The following XAF1 variants were observed in gnomAD, a reference collection of about 807,000 sequenced individuals.
The protein encoded by XAF1 is XIAP-associated factor 1.
A neutral mutation model predicts 32.3 loss-of-function variants in XAF1; 32 were observed. That is an observed-to-expected ratio of 0.99 (90% confidence interval 0.75 to 1.33). The LOEUF (loss-of-function observed/expected upper bound fraction) is 1.33. Among genes scored for constraint, XAF1 ranks in the 40% most tolerant of loss-of-function variants. The pLI, the probability that XAF1 is intolerant of heterozygous loss-of-function variation, is 0.00. For missense variants in XAF1, 379 were observed against 366.0 expected, an observed-to-expected ratio of 1.04 and a Z score of -0.29; for synonymous variants, 120 against 125.9, an observed-to-expected ratio of 0.95 and a Z score of 0.31.
chr17:6,775,322 G>A lies in XAF1; in HGVS notation c.*2153G>A, dbSNP rs866990808. On this transcript the variant is annotated 3_prime_UTR_variant, in exon 7 of 7. Transcript: ENST00000361842. ...GTGAGGATCAAAAAACTACCTATCT[G>A]GTACTATGCTTTTTATCTGGATGAT... 1 of 152,004 alleles carries A rather than the reference G, an allele frequency of 6.6e-6. No homozygotes were observed. The highest frequency in any genetic ancestry group is 2.4e-5 in the African/African-American group (1 of 41,360). The allele number at this position is 152,004 out of a possible 1,614,324, so 9.4% of individuals were successfully genotyped here. A position where few individuals can be genotyped will look rare whatever the true frequency, so the allele number is the denominator to read the frequency against.
chr17:6,755,591 G>A, upstream of XAF1: 1 of 1,007,308 alleles, frequency 9.9e-7, no homozygotes, highest in Non-Finnish European at 1.2e-6. Context: ...CTGTTTGCAA[G>A]GTCCTCACCG....
intron 5 of XAF1, among the ~76,000 whole-genome samples, chr17:6,768,735 G>C (rs945827578): frequency 4.6e-5 from 7 of 151,958 alleles, no homozygotes; most frequent in Admixed American, 1.3e-4. Flanking sequence ...CCATTCCTTT[G>C]TACGTAATCT....
At chr17:6,757,831 A>AT (rs1253958492) in intron 1 of XAF1, among the ~76,000 whole-genome samples, 1 of 151,844 alleles carries the variant, frequency 6.6e-6, no homozygotes, top group Non-Finnish European at 1.5e-5. Flanking sequence ...CCCCTTTGTA[A>AT]TTCCTCCCTC....
chr17:6,762,322 G>A (rs949884312), intron 5 of XAF1, 82 bp downstream of exon 5: 6 of 1,244,606 alleles, frequency 4.8e-6, no homozygotes, highest in Non-Finnish European at 6.6e-6. Context: ...GCAGATTCTG[G>A]GCCCAATTTT....
chr17:6,773,036 G>A (rs1976171748), intron 6 of XAF1, 77 bp from the exon 7 acceptor site: 1 of 1,262,890 alleles, frequency 7.9e-7, no homozygotes, highest in Non-Finnish European at 1.1e-6. Flanking sequence ...ACAAGGGACA[G>A]CAATATCCAG....
intron 5 of XAF1, among the ~76,000 whole-genome samples, chr17:6,770,136 C>T (rs537754104): frequency 2.0e-5 from 3 of 152,240 alleles, no homozygotes; most frequent in African/African-American, 7.2e-5. Context: ...TAACAGGATG[C>T]CACAGACAGA....
At chr17:6,762,132 G>A in intron 4 of XAF1, 23 bp from the exon 5 acceptor site, 1 of 1,612,272 alleles carries the variant, frequency 6.2e-7, no homozygotes, top group Non-Finnish European at 8.5e-7. Context: ...ATCATTTGTG[G>A]TGTTGTTTCT....
intron 5 of XAF1, among the ~76,000 whole-genome samples, chr17:6,763,494 A>G (rs1170527472): frequency 2.6e-5 from 4 of 151,764 alleles, no homozygotes; most frequent in Non-Finnish European, 1.5e-5. Flanking sequence ...CGCCCGGCTA[A>G]TTTTTGTATT....
At chr17:6,756,840 C>T (rs77169958) in intron 1 of XAF1, among the ~76,000 whole-genome samples, 2,847 of 152,292 alleles carry the variant, frequency 0.019, 78 homozygotes, top group African/African-American at 0.065. Context: ...GACAGTCCCT[C>T]TCGGAGCACG....
At position 6,773,685 on chromosome 17, in the gene XAF1, T is replaced by A. The variant is rs1487226676; in HGVS notation, c.*516T>A. 1 of 152,192 alleles carries A rather than the reference T, an allele frequency of 6.6e-6. No individual in the cohort carries two copies. Among genetic ancestry groups the A allele is most frequent in the Non-Finnish European group, 1.5e-5 (1 of 68,044 alleles). The allele number at this position is 152,192 out of a possible 1,614,324, so 9.4% of individuals were successfully genotyped here. On this transcript the variant is annotated 3_prime_UTR_variant, in exon 7 of 7. Coordinates refer to ENST00000361842, the MANE Select transcript of XAF1 (RefSeq NM_017523.5). ...TTGGCCCAAAAGCTCCTAGATCTGA[T>A]AAACAACTTCAGCTAACTTTCAGGA... is the stretch of plus-strand genomic sequence containing the variant.
intron 5 of XAF1, among the ~76,000 whole-genome samples, chr17:6,763,063 T>C (rs1271652780): frequency 4.6e-5 from 7 of 152,238 alleles, no homozygotes; most frequent in Non-Finnish European, 8.8e-5. Context: ...TGCAATCTGG[T>C]TCTAGAATAT....
chr17:6,765,138 G>T (rs1341616367), intron 5 of XAF1, among the ~76,000 whole-genome samples: 1 of 152,186 alleles, frequency 6.6e-6, no homozygotes, highest in Non-Finnish European at 1.5e-5. Context: ...GTAAGGCCGG[G>T]TATGGTGGCT....
intron 4 of XAF1, 86 bp from the exon 5 acceptor site, chr17:6,762,067 AGC>A (rs1172337464): frequency 6.2e-7 from 1 of 1,600,770 alleles, no homozygotes. Flanking sequence ...CGTGCTCATG[AGC>A]ACAGGCCATG....
chr17:6,766,833 T>C (rs932611567), intron 5 of XAF1, among the ~76,000 whole-genome samples: 1 of 152,234 alleles, frequency 6.6e-6, no homozygotes, highest in African/African-American at 2.4e-5. Flanking sequence ...CCATTTCATT[T>C]TGGGAGCATG....
rs1399598506 is a variant in XAF1, at chr17:6,773,605, C to T, written c.*436C>T. 1.3e-5 allele frequency: 2 copies of T among 153,392 alleles called. No homozygotes were observed. Among genetic ancestry groups the T allele is most frequent in the Non-Finnish European group, 1.4e-5 (1 of 68,994 alleles). The allele number at this position is 153,392 out of a possible 1,614,324, so 9.5% of individuals were successfully genotyped here. On this transcript the variant is annotated 3_prime_UTR_variant, in exon 7 of 7. Coordinates refer to ENST00000361842, the MANE Select transcript of XAF1 (RefSeq NM_017523.5). ...AAAGGCAACCAAAAAGAAAGGAAGTCGAAGTATCTCTGTTTGCAGACGATA... is the reference window on the plus strand; with the variant it reads ...AAAGGCAACCAAAAAGAAAGGAAGTTGAAGTATCTCTGTTTGCAGACGATA...
chr17:6,760,347 CAAAAAA>C (rs71383422), intron 3 of XAF1, 53 bp from the exon 4 acceptor site: 197 of 1,046,432 alleles, frequency 1.9e-4, no homozygotes, highest in Non-Finnish European at 2.1e-4. Flanking sequence ...GACTCTGTCT[CAAAAAA>C]AAAAAAAAAA....
At chr17:6,760,680 C>T in intron 4 of XAF1, 79 bp downstream of exon 4, 1 of 1,384,346 alleles carries the variant, frequency 7.2e-7, no homozygotes, top group East Asian at 2.4e-5. Context: ...GGAAGGGAAG[C>T]TCTCAACAGG....
Position 6,760,437 on chromosome 17 carries a change from G to C in XAF1, c.257G>C (p.Cys86Ser), listed in dbSNP as rs1393195074. The change falls in exon 4 of 7, where the codon TGT becomes TCT. Residue 86 changes from cysteine (C) to serine (S), a missense_variant. Transcript: ENST00000361842. ...GAGTGCCAGGAGCGCCCTGTTGAGT[G>C]TAAGTTCTGCAAACTGGACATGCAG... The part of the protein sequence containing the change: ...ANECQERPVE[C>S]KFCKLDMQLS... The C allele has an allele frequency of 1.2e-6, 2 of 1,612,212 alleles. No individual in the cohort carries two copies. The highest frequency in any genetic ancestry group is 1.7e-6 in the Non-Finnish European group (2 of 1,179,170).
chr17:6,762,106 G>A, intron 4 of XAF1, 49 bp from the exon 5 acceptor site: 2 of 1,610,856 alleles, frequency 1.2e-6, no homozygotes, highest in Non-Finnish European at 1.7e-6. Flanking sequence ...AGCTGGGCTA[G>A]CCGTTGACAA....
Sources: gnomAD v4.1 joint callset for allele counts (sites outside exome capture counted in the v4.1 genomes callset) on GRCh38, gnomAD v4.1.1 for gene constraint, MANE v1.5 for transcripts, NCBI Gene and HGNC (gene_info 2026-07-23, HGNC 2026-07-21) for gene names.